CADPS: variants seen among roughly 807,000 people sequenced by gnomAD.
The protein encoded by CADPS is calcium-dependent secretion activator 1.
CADPS carries 57 observed loss-of-function variants against 167.3 expected under a neutral mutation model. The observed-to-expected ratio is 0.34, with a 90% CI of 0.28 to 0.42. The LOEUF is 0.42. Among genes scored for constraint, CADPS ranks in the 20% least tolerant of loss-of-function variants. CADPS has a pLI of 1.00. For synonymous variants in CADPS, 676 were observed against 635.3 expected, an observed-to-expected ratio of 1.06 and a Z score of -0.96; for missense variants, 1,414 against 1,738.1, an observed-to-expected ratio of 0.81 and a Z score of 3.32.
chr3:62,413,583 G>GGT (rs2049399062), intron 28 of CADPS, among the ~76,000 whole-genome samples: 5 of 152,224 alleles, frequency 3.3e-5, no homozygotes, highest in Admixed American at 1.3e-4. Flanking sequence ...TCAGAAAGTA[G>GGT]AACAGTGTTA....
In CADPS at chr3:62,660,456, G is replaced by A. The variant is rs563461888; in HGVS notation, c.969+1858C>T. On this transcript the variant is annotated intron_variant, in intron 4 of 29. Transcript: ENST00000383710. ...ATAATACCTTTAGCCAAATCCATAA[G>A]CGCATACTATTTTTAGCCACCAGGC... Among the ~76,000 whole-genome samples the A allele has an allele frequency of 3.3e-5, 5 of 152,264 alleles. No homozygotes were observed. The South Asian group carries it at 1.0e-3, about 32-fold the overall frequency.
chr3:62,648,956 G>A (rs1025121168), intron 5 of CADPS, among the ~76,000 whole-genome samples: 22 of 152,180 alleles, frequency 1.4e-4, no homozygotes, highest in African/African-American at 5.1e-4. Context: ...ATTGAATACT[G>A]CCTCTTCCAA....
chr3:62,456,465 C>T (rs1298226404), intron 26 of CADPS, among the ~76,000 whole-genome samples: 2 of 152,054 alleles, frequency 1.3e-5, no homozygotes, highest in East Asian at 3.9e-4. Flanking sequence ...TGAAGCCTCC[C>T]CGTCCTCTGT....
intron 2 of CADPS, 56 bp downstream of exon 2, chr3:62,765,815 C>G (rs931170575): frequency 1.7e-6 from 2 of 1,162,788 alleles, no homozygotes; most frequent in Admixed American, 1.8e-5. Flanking sequence ...GCAGCTCAGA[C>G]TCCCCAGGCA....
At chr3:62,665,706 C>T (rs2074277233) in intron 3 of CADPS, among the ~76,000 whole-genome samples, 2 of 152,168 alleles carry the variant, frequency 1.3e-5, no homozygotes, top group Non-Finnish European at 2.9e-5. Flanking sequence ...GAGGCTGTAG[C>T]AGTGCTGGAT....
At chr3:62,725,227 G>C (rs1564353334) in intron 3 of CADPS, among the ~76,000 whole-genome samples, 1 of 152,214 alleles carries the variant, frequency 6.6e-6, no homozygotes, top group Non-Finnish European at 1.5e-5. Flanking sequence ...TGTCCAAGAT[G>C]GTAGTTAACA....
chr3:62,651,839 TC>T lies in CADPS; in HGVS notation c.970-760del, dbSNP rs533888676. The stretch of plus-strand genomic sequence containing the variant: ...TACCACTTGAAACATAAACTTGCCC[TC>T]CCCAAGCCCTATTCCATAACTGATG... On this transcript the variant is annotated intron_variant, in intron 4 of 29. Coordinates refer to ENST00000383710, the MANE Select transcript of CADPS (RefSeq NM_003716.4). Among the ~76,000 whole-genome samples, 11 of 152,214 alleles carry T rather than the reference TC, an allele frequency of 7.2e-5. No homozygotes were observed. The South Asian group carries it at 2.1e-3, about 29-fold the overall frequency.
rs118098216 is a variant in CADPS at position 62,538,736 on chromosome 3, G to T, written c.1967-2155C>A. ...TCAGAGAGAAGGGGGCTCTTTTGTA[G>T]CTGTTAAAAAAATATGGCACATGTT... On this transcript the variant is annotated intron_variant, in intron 11 of 29. Coordinates refer to ENST00000383710, the MANE Select transcript of CADPS (RefSeq NM_003716.4). Among the ~76,000 whole-genome samples the T allele has an allele frequency of 4.8e-3, 731 of 152,204 alleles. 19 individuals are homozygous for T. Among genetic ancestry groups the T allele is most frequent in the East Asian group, 0.033 (173 of 5,166 alleles).
intron 3 of CADPS, among the ~76,000 whole-genome samples, chr3:62,699,822 G>A (rs2151505932): frequency 6.6e-6 from 1 of 152,148 alleles, no homozygotes; most frequent in Admixed American, 6.5e-5. Context: ...ACCCACGTCG[G>A]CCTCCCAAAG....
intron 1 of CADPS, among the ~76,000 whole-genome samples, chr3:62,820,282 T>C (rs1365852538): frequency 6.6e-6 from 1 of 152,174 alleles, no homozygotes; most frequent in African/African-American, 2.4e-5. Flanking sequence ...GCAGGATAGC[T>C]ACTGTGAATT....
intron 28 of CADPS, among the ~76,000 whole-genome samples, chr3:62,424,190 C>CTT (rs11393225): frequency 7.4e-5 from 11 of 148,288 alleles, no homozygotes; most frequent in South Asian, 2.1e-4. Flanking sequence ...GGATAATTCA[C>CTT]TTTTTTTTTT....
intron 3 of CADPS, among the ~76,000 whole-genome samples, chr3:62,663,391 C>A (rs574984716): frequency 1.3e-5 from 2 of 152,244 alleles, no homozygotes; most frequent in African/African-American, 4.8e-5. Context: ...GCAACCCCAG[C>A]ATTTCCTTTC....
intron 9 of CADPS, among the ~76,000 whole-genome samples, chr3:62,566,817 G>T (rs553983139): frequency 6.6e-6 from 1 of 152,090 alleles, no homozygotes; most frequent in South Asian, 2.1e-4. Flanking sequence ...AGATTTTTTT[G>T]GGGGGATGGA....
chr3:62,448,770 C>T (rs1231652354), intron 26 of CADPS, among the ~76,000 whole-genome samples: 4 of 152,026 alleles, frequency 2.6e-5, no homozygotes, highest in Admixed American at 2.6e-4. Flanking sequence ...CCCACCACCA[C>T]ACCCAGCTAA....
chr3:62,808,751 A>G (rs746454957), intron 1 of CADPS, among the ~76,000 whole-genome samples: 3 of 152,084 alleles, frequency 2.0e-5, no homozygotes, highest in Non-Finnish European at 4.4e-5. Flanking sequence ...CTATGCAAAT[A>G]CCACTCAAAA....
chr3:62,812,008 G>T (rs2094414793), intron 1 of CADPS, among the ~76,000 whole-genome samples: 1 of 151,942 alleles, frequency 6.6e-6, no homozygotes, highest in African/African-American at 2.4e-5. Flanking sequence ...TTTATCTTAT[G>T]TAATGGTATA....
At chr3:62,481,145 C>A (rs772159354) in intron 22 of CADPS, among the ~76,000 whole-genome samples, 1 of 152,170 alleles carries the variant, frequency 6.6e-6, no homozygotes, top group Non-Finnish European at 1.5e-5. Context: ...TTGGAAAGTA[C>A]ATAATATATT....
chr3:62,698,953 C>T (rs760258119), intron 3 of CADPS, among the ~76,000 whole-genome samples: 17 of 151,492 alleles, frequency 1.1e-4, no homozygotes, highest in Admixed American at 7.2e-4. Context: ...TTTGTCACTA[C>T]GGCTCAAGCA....
intron 7 of CADPS, among the ~76,000 whole-genome samples, chr3:62,586,683 A>G (rs1270012051): frequency 1.3e-5 from 2 of 152,216 alleles, no homozygotes; most frequent in East Asian, 3.8e-4. Context: ...TGAAATACAG[A>G]AAAGCCTGAT....
Sources: gnomAD v4.1 joint callset for allele counts (sites outside exome capture counted in the v4.1 genomes callset) on GRCh38, gnomAD v4.1.1 for gene constraint, MANE v1.5 for transcripts, NCBI Gene and HGNC (gene_info 2026-07-23, HGNC 2026-07-21) for gene names.